The following SDK1 variants were observed in gnomAD, a reference collection of about 807,000 sequenced individuals.
The protein encoded by SDK1 is sidekick cell adhesion molecule 1.
A neutral mutation model predicts 245.5 loss-of-function variants in SDK1; 157 were observed. The ratio of observed to expected loss-of-function variants is 0.64; its 90% CI spans 0.56 to 0.73. The LOEUF (loss-of-function observed/expected upper bound fraction) is 0.73, where lower values mean the gene tolerates loss of function less well. SDK1 is among the 30% of genes least tolerant of loss of function. The pLI is 0.00. For missense variants in SDK1, 3,583 were observed against 3,002.3 expected, an observed-to-expected ratio of 1.19 and a Z score of -4.52; for synonymous variants, 1,647 against 1,278.5, an observed-to-expected ratio of 1.29 and a Z score of -6.15.
intron 1 of SDK1, among the ~76,000 whole-genome samples, chr7:3,355,213 A>G (rs1351324586): frequency 1.3e-5 from 2 of 152,224 alleles, no homozygotes; most frequent in Non-Finnish European, 2.9e-5. Context: ...AACTAGACCT[A>G]AAGTTCTTAA....
intron 17 of SDK1, among the ~76,000 whole-genome samples, chr7:4,041,329 T>C (rs73300975): frequency 0.014 from 2,061 of 150,272 alleles, 52 homozygotes; most frequent in African/African-American, 0.049. Flanking sequence ...CATAGGACAG[T>C]TGAGTAGAAA....
intron 24 of SDK1, among the ~76,000 whole-genome samples, 166 bp downstream of exon 24, chr7:4,113,605 C>G (rs1783495656): frequency 1.3e-5 from 2 of 152,316 alleles, no homozygotes; most frequent in African/African-American, 4.8e-5. Flanking sequence ...TGTTGGATCT[C>G]AGGCCAGCCC....
intron 4 of SDK1, among the ~76,000 whole-genome samples, chr7:3,761,876 A>G (rs1441258314): frequency 1.3e-5 from 2 of 152,212 alleles, no homozygotes; most frequent in African/African-American, 4.8e-5. Flanking sequence ...CAGTTTGAAT[A>G]GCAAAATGAT....
intron 2 of SDK1, among the ~76,000 whole-genome samples, chr7:3,620,605 A>G (rs561268438): frequency 6.6e-6 from 1 of 151,986 alleles, no homozygotes; most frequent in East Asian, 1.9e-4. Context: ...ATATTTTTTT[A>G]TTAGCTGCCA....
chr7:3,333,002 C>G (rs1345234987), intron 1 of SDK1, among the ~76,000 whole-genome samples: 1 of 152,168 alleles, frequency 6.6e-6, no homozygotes, highest in South Asian at 2.1e-4. Context: ...AGATTTTTCC[C>G]TGTCAGTGTA....
chr7:3,762,419 T>C (rs1018018660), intron 4 of SDK1, among the ~76,000 whole-genome samples: 4 of 152,230 alleles, frequency 2.6e-5, no homozygotes, highest in African/African-American at 9.6e-5. Flanking sequence ...TTTACGTAGG[T>C]AAAAGCAAAA....
intron 13 of SDK1, among the ~76,000 whole-genome samples, chr7:3,977,936 G>A (rs971253625): frequency 1.3e-5 from 2 of 152,218 alleles, no homozygotes; most frequent in African/African-American, 2.4e-5. Context: ...TTCCCTACTC[G>A]TACCTTGATG....
chr7:4,260,196 A>G (rs908077632), intron 44 of SDK1, among the ~76,000 whole-genome samples: 12 of 147,936 alleles, frequency 8.1e-5, no homozygotes, highest in South Asian at 2.2e-4. Flanking sequence ...CTGATGGAGA[A>G]GCTGGCTGCT....
At chr7:3,785,650 G>A (rs529471379) in intron 4 of SDK1, among the ~76,000 whole-genome samples, 100 of 152,248 alleles carry the variant, frequency 6.6e-4, no homozygotes, top group African/African-American at 2.3e-3. Context: ...GATGGAAAGG[G>A]GGAAGAAATT....
chr7:3,533,169 G>A (rs1429801649), intron 1 of SDK1, among the ~76,000 whole-genome samples: 2 of 152,236 alleles, frequency 1.3e-5, no homozygotes, highest in Non-Finnish European at 2.9e-5. Context: ...CATGTGGTGT[G>A]TAACAGAGAC....
intron 5 of SDK1, among the ~76,000 whole-genome samples, chr7:3,903,590 T>TTAC (rs1781865784): frequency 6.6e-6 from 1 of 152,014 alleles, no homozygotes; most frequent in African/African-American, 2.4e-5. Context: ...AAATACAGAG[T>TTAC]TACTATATGA....
chr7:3,858,250 T>C (rs1306999781), intron 5 of SDK1, among the ~76,000 whole-genome samples: 3 of 152,052 alleles, frequency 2.0e-5, no homozygotes, highest in Non-Finnish European at 2.9e-5. Context: ...TATCATTTTT[T>C]TAAAAAAACA....
At chr7:3,985,500 G>A (rs1313326493) in intron 13 of SDK1, among the ~76,000 whole-genome samples, 3 of 152,160 alleles carry the variant, frequency 2.0e-5, no homozygotes, top group African/African-American at 7.2e-5. Context: ...AGAAATGACA[G>A]CTCTGCCCAG....
intron 40 of SDK1, among the ~76,000 whole-genome samples, chr7:4,230,511 G>T (rs147769219): frequency 9.7e-4 from 146 of 151,112 alleles, no homozygotes; most frequent in African/African-American, 3.5e-3. Context: ...AAGAAGGTTG[G>T]TTACATGGAT....
At chr7:3,430,525 G>T (rs533250910) in intron 1 of SDK1, among the ~76,000 whole-genome samples, 3 of 151,928 alleles carry the variant, frequency 2.0e-5, no homozygotes, top group Non-Finnish European at 4.4e-5. Flanking sequence ...CCTCCTGCTC[G>T]TCAGCTTCAT....
At chr7:3,920,236 C>A (rs143835292) in intron 5 of SDK1, among the ~76,000 whole-genome samples, 7 of 152,212 alleles carry the variant, frequency 4.6e-5, no homozygotes, top group African/African-American at 1.7e-4. Flanking sequence ...CGGGGTGATT[C>A]GTTGAAAGAT....
chr7:3,593,919 G>T (rs1583206162), intron 1 of SDK1, among the ~76,000 whole-genome samples: 1 of 152,128 alleles, frequency 6.6e-6, no homozygotes, highest in South Asian at 2.1e-4. Flanking sequence ...ATAAACTGTT[G>T]TTTCCTAAAT....
At chr7:3,968,411 A>G (rs964952393) in intron 10 of SDK1, among the ~76,000 whole-genome samples, 1 of 152,116 alleles carries the variant, frequency 6.6e-6, no homozygotes, top group Non-Finnish European at 1.5e-5. Flanking sequence ...GACATGCCAA[A>G]AGCCTTATCT....
At chr7:3,862,276 AG>A (rs1242002550) in intron 5 of SDK1, among the ~76,000 whole-genome samples, 1 of 152,196 alleles carries the variant, frequency 6.6e-6, no homozygotes, top group Non-Finnish European at 1.5e-5. Flanking sequence ...GGGAGGAAGC[AG>A]GGCGCTAGTA....
Sources: gnomAD v4.1 joint callset for allele counts (sites outside exome capture counted in the v4.1 genomes callset) on GRCh38, gnomAD v4.1.1 for gene constraint, MANE v1.5 for transcripts, NCBI Gene and HGNC (gene_info 2026-07-23, HGNC 2026-07-21) for gene names.